CADPS: variants seen among roughly 807,000 people sequenced by gnomAD.
CADPS encodes calcium-dependent secretion activator 1.
CADPS carries 57 observed loss-of-function variants against 167.3 expected under a neutral mutation model. That is an observed-to-expected ratio of 0.34 (90% CI 0.28 to 0.42). CADPS has a LOEUF of 0.42. Among genes scored for constraint, CADPS ranks in the 20% least tolerant of loss-of-function variants. The pLI is 1.00. For synonymous variants in CADPS, 676 were observed against 635.3 expected (o/e 1.06, Z -0.96); for missense variants, 1,414 against 1,738.1 (o/e 0.81, Z 3.32).
intron 18 of CADPS, among the ~76,000 whole-genome samples, chr3:62,495,840 C>G (rs1321055058): frequency 6.6e-6 from 1 of 152,192 alleles, no homozygotes; most frequent in Non-Finnish European, 1.5e-5. Context: ...CCACTGCTAC[C>G]ATATACCGCA....
At chr3:62,693,678 A>C (rs1580568586) in intron 3 of CADPS, among the ~76,000 whole-genome samples, 1 of 151,716 alleles carries the variant, frequency 6.6e-6, no homozygotes, top group Non-Finnish European at 1.5e-5. Context: ...CCAGCTACTC[A>C]GGAGGCTGAG....
At chr3:62,491,020 A>T (rs1202507304) in intron 21 of CADPS, among the ~76,000 whole-genome samples, 4 of 152,206 alleles carry the variant, frequency 2.6e-5, no homozygotes, top group African/African-American at 9.7e-5. Flanking sequence ...CCTAGAGATA[A>T]CACCATTGGA....
chr3:62,792,222 G>C (rs1165948258), intron 1 of CADPS, among the ~76,000 whole-genome samples: 1 of 149,810 alleles, frequency 6.7e-6, no homozygotes, highest in East Asian at 2.0e-4. Context: ...TTTTGAGATA[G>C]GGTCTTGCTC....
At chr3:62,805,270 G>T (rs180718098) in intron 1 of CADPS, among the ~76,000 whole-genome samples, 54 of 152,294 alleles carry the variant, frequency 3.5e-4, no homozygotes, top group Non-Finnish European at 6.6e-4. Flanking sequence ...CTCAAGCGCT[G>T]CTTTCTGTGC....
Position 62,766,929 on chromosome 3 carries a change from T to C in CADPS, c.442-945A>G, listed in dbSNP as rs563731418. Among the ~76,000 whole-genome samples the C allele has an allele frequency of 1.8e-4, 28 of 152,304 alleles. 1 individual carries two copies. In the South Asian group the frequency reaches 5.6e-3, roughly 30 times the overall value. Reference sequence around the variant, plus strand: ...TTACATGCGGTGTCTTTTCTTGCTATCTTATTCATCGAAGTTTTCCCAGGG... The same window carrying C: ...TTACATGCGGTGTCTTTTCTTGCTACCTTATTCATCGAAGTTTTCCCAGGG... On this transcript the variant is annotated intron_variant, in intron 1 of 29. Transcript: ENST00000383710.
chr3:62,801,224 AC>A (rs2093744457), intron 1 of CADPS, among the ~76,000 whole-genome samples: 1 of 152,128 alleles, frequency 6.6e-6, no homozygotes, highest in Non-Finnish European at 1.5e-5. Context: ...CAGATGATCT[AC>A]TCCATAAATG....
intron 1 of CADPS, among the ~76,000 whole-genome samples, chr3:62,790,155 AATG>A (rs1345026372): frequency 7.9e-5 from 12 of 152,180 alleles, no homozygotes. Flanking sequence ...AATTTTATGA[AATG>A]ATGCAGGAAA....
intron 28 of CADPS, among the ~76,000 whole-genome samples, chr3:62,417,565 G>A (rs935347861): frequency 3.3e-5 from 5 of 152,146 alleles, no homozygotes; most frequent in East Asian, 1.9e-4. Flanking sequence ...GATTAAAGGC[G>A]TGAGCCACTG....
At chr3:62,707,722 T>C (rs1334058852) in intron 3 of CADPS, among the ~76,000 whole-genome samples, 1 of 152,166 alleles carries the variant, frequency 6.6e-6, no homozygotes, top group Non-Finnish European at 1.5e-5. Flanking sequence ...AAACACAATA[T>C]AAAATTTCTT....
At chr3:62,759,342 C>T (rs1018077692) in intron 2 of CADPS, among the ~76,000 whole-genome samples, 3 of 152,148 alleles carry the variant, frequency 2.0e-5, no homozygotes, top group African/African-American at 7.2e-5. Flanking sequence ...GAATGTAATA[C>T]AAGTTAGCTG....
chr3:62,641,480 T>C (rs2067403026), intron 6 of CADPS, among the ~76,000 whole-genome samples: 1 of 152,180 alleles, frequency 6.6e-6, no homozygotes, highest in Non-Finnish European at 1.5e-5. Flanking sequence ...CCCTCTGCTC[T>C]ATTTCAAAGA....
At chr3:62,579,450 C>A (rs1050678538) in intron 8 of CADPS, among the ~76,000 whole-genome samples, 2 of 152,142 alleles carry the variant, frequency 1.3e-5, no homozygotes, top group African/African-American at 4.8e-5. Context: ...GTGGGGAAGA[C>A]AGACAACAAA....
At chr3:62,469,845 A>T (rs2060380630) in intron 24 of CADPS, among the ~76,000 whole-genome samples, 1 of 152,178 alleles carries the variant, frequency 6.6e-6, no homozygotes, top group Non-Finnish European at 1.5e-5. Flanking sequence ...CCTATACTCC[A>T]AAATTATATC....
At chr3:62,783,511 G>C (rs2092016166) in intron 1 of CADPS, among the ~76,000 whole-genome samples, 2 of 152,098 alleles carry the variant, frequency 1.3e-5, no homozygotes, top group Admixed American at 1.3e-4. Flanking sequence ...ATATATATTG[G>C]GGTTCCTGGG....
chr3:62,459,647 A>T (rs2059102365), intron 26 of CADPS, among the ~76,000 whole-genome samples: 1 of 152,188 alleles, frequency 6.6e-6, no homozygotes, highest in Non-Finnish European at 1.5e-5. Context: ...GTCCATAGTT[A>T]CACTGCACTG....
intron 6 of CADPS, among the ~76,000 whole-genome samples, chr3:62,633,444 G>A (rs1042801414): frequency 8.5e-5 from 13 of 152,050 alleles, no homozygotes; most frequent in Admixed American, 2.6e-4. Context: ...TCCAGGTCCC[G>A]TGAGATCTGG....
At chr3:62,700,778 A>T (rs2081244196) in intron 3 of CADPS, among the ~76,000 whole-genome samples, 1 of 152,144 alleles carries the variant, frequency 6.6e-6, no homozygotes, top group Admixed American at 6.6e-5. Flanking sequence ...ACTGAACTCA[A>T]GGCTGCACAG....
chr3:62,593,923 T>C (rs2086648896), intron 6 of CADPS, among the ~76,000 whole-genome samples: 3 of 152,202 alleles, frequency 2.0e-5, no homozygotes, highest in South Asian at 2.1e-4. Context: ...ACTGTGTTTT[T>C]ATGTTGCATA....
intron 28 of CADPS, among the ~76,000 whole-genome samples, chr3:62,431,656 T>TG (rs1294646849): frequency 6.6e-6 from 1 of 151,938 alleles, no homozygotes; most frequent in Admixed American, 6.6e-5. Context: ...GGGCCAGTGC[T>TG]GGTTCAAAAT....
Sources: allele counts gnomAD v4.1 joint callset (sites outside exome capture counted in the v4.1 genomes callset), GRCh38; gene constraint gnomAD v4.1.1; transcripts MANE v1.5; gene names NCBI Gene and HGNC (gene_info 2026-07-23, HGNC 2026-07-21).